ZNF649: variants seen among roughly 807,000 people sequenced by gnomAD.
The protein encoded by ZNF649 is zinc finger protein 649.
ZNF649 carries 7 observed loss-of-function variants against 14.1 expected under a neutral mutation model. The observed-to-expected ratio is 0.49, with a 90% CI of 0.28 to 0.93. The LOEUF (loss-of-function observed/expected upper bound fraction) is 0.93, where lower values mean the gene tolerates loss of function less well. Among genes scored for constraint, ZNF649 ranks in the 40% least tolerant of loss-of-function variants. The probability of loss-of-function intolerance (pLI) is 0.10; values close to 1 mark genes in which losing one functional copy is unlikely to be tolerated. For missense variants in ZNF649, 544 were observed against 608.1 expected (o/e 0.89, Z 1.11); for synonymous variants, 227 against 212.3 (o/e 1.07, Z -0.60).
chr19:51,892,237 G>A (rs577343882), intron 4 of ZNF649, among the ~76,000 whole-genome samples: 6 of 152,154 alleles, frequency 3.9e-5, no homozygotes, highest in African/African-American at 9.6e-5. Context: ...TTGGCTGGGC[G>A]TGGTGGCACG....
rs774344525 is a variant in ZNF649 at position 51,896,548 on chromosome 19, A to T, written c.162T>A (p.Pro54=). 6.2e-7 allele frequency: 1 copy of T among 1,614,132 alleles called. No homozygotes were observed. The highest frequency in any genetic ancestry group is 8.5e-7 in the Non-Finnish European group (1 of 1,180,022). The change falls in exon 4 of 5, where the codon CCT becomes CCA. Residue 54 remains proline, a synonymous_variant. Transcript: ENST00000354957. ...CTTGTTCCAACTTGGTGAGGGCATC[A>T]GGTTTGCCGGCTTGATACCCTGTTT... The part of the protein sequence containing the change: ...LVSVGYQAGK[P]DALTKLEQGE...
At chr19:51,900,530 A>G (rs1004139686) in intron 1 of ZNF649, 1 of 166,774 alleles carries the variant, frequency 6.0e-6, no homozygotes, top group Non-Finnish European at 1.3e-5. Flanking sequence ...CCAATGCTTC[A>G]AAGGAGTGTC....
At chr19:51,902,420 A>G (rs2122774554) in intron 1 of ZNF649, among the ~76,000 whole-genome samples, 1 of 152,298 alleles carries the variant, frequency 6.6e-6, no homozygotes, top group South Asian at 2.1e-4. Flanking sequence ...ATAAATCAGG[A>G]TTCACACGGC....
In ZNF649 at chr19:51,891,732, T is replaced by C. The variant is rs754563507; in HGVS notation, c.404A>G (p.Asp135Gly). The change falls in exon 5 of 5, where the codon GAT becomes GGT. Residue 135 changes from aspartate to glycine, a missense_variant. Physicochemically the swap from Asp to Gly is moderately conservative, Grantham distance 94 (BLOSUM62 -1). Coordinates refer to ENST00000354957, the MANE Select transcript of ZNF649 (RefSeq NM_023074.4). This position sits in a 1 kb window ranked among gnomAD's most constrained non-coding sequence, Gnocchi z 4.2. ...NRKEPAEFNG[D>G]GAFLHDNHEQ... ...ATGATTATCATGGAGAAAAGCTCCA[T>C]CTCCATTAAACTCAGCAGGCTCCTT... 11 of 1,613,494 alleles carry C rather than the reference T, an allele frequency of 6.8e-6. No individual in the cohort carries two copies. In the South Asian group the frequency reaches 1.2e-4, roughly 18 times the overall value.
At position 51,890,690 on chromosome 19, in the gene ZNF649, T is replaced by C; in HGVS notation, c.1446A>G (p.Lys482=). Residue 482 remains lysine, a synonymous_variant, in exon 5 of 5, where the codon AAA becomes AAG. Transcript: ENST00000354957. ...CCACAGTTACCATATTAACAGGGCT[T>C]TTCCCCTGCACATGTTCACTAGGAC... is the stretch of plus-strand genomic sequence containing the variant. ...SLSPSEHVQG[K]SPVNMVTVAM... 1.2e-6 allele frequency: 2 copies of C among 1,614,212 alleles called. No homozygotes were observed. The highest frequency in any genetic ancestry group is 1.1e-5 in the South Asian group (1 of 91,084).
chr19:51,891,103 G>A lies in ZNF649; in HGVS notation c.1033C>T (p.Pro345Ser), dbSNP rs764772553. 6.2e-7 allele frequency: 1 copy of A among 1,614,174 alleles called. No homozygotes were observed. Residue 345 changes from proline to serine, a missense_variant, in exon 5 of 5, where the codon CCT becomes TCT. By Grantham distance (74) the Pro-to-Ser change is moderately conservative. Transcript: ENST00000354957. This position sits in a 1 kb window ranked among gnomAD's most constrained non-coding sequence, Gnocchi z 4.2. ...IHQRTHTGEK[P>S]YGCIDCGKAF... is the part of the protein sequence containing the mutation. Reference sequence around the variant, plus strand: ...TTGCCACAGTCAATGCATCCATAAGGTTTCTCTCCAGTGTGAGTTCGTTGA... The same window carrying A: ...TTGCCACAGTCAATGCATCCATAAGATTTCTCTCCAGTGTGAGTTCGTTGA...
intron 4 of ZNF649, 126 bp from the exon 5 acceptor site, chr19:51,892,023 T>G (rs2085026792): frequency 8.9e-7 from 1 of 1,123,998 alleles, no homozygotes; most frequent in South Asian, 2.0e-5. Context: ...GAATTCCAAG[T>G]ATAAGTGTTC....
At chr19:51,903,945 TAA>T (rs569302998) in intron 1 of ZNF649, among the ~76,000 whole-genome samples, 116 of 152,338 alleles carry the variant, frequency 7.6e-4, no homozygotes, top group African/African-American at 2.7e-3. Flanking sequence ...CAACCTAGCT[TAA>T]CAGACAAAAT....
chr19:51,902,512 C>CT (rs2085100611), intron 1 of ZNF649, among the ~76,000 whole-genome samples: 1 of 152,224 alleles, frequency 6.6e-6, no homozygotes, highest in African/African-American at 2.4e-5. Flanking sequence ...TATTTCAACT[C>CT]TTTTCCTGTC....
Position 51,891,659 on chromosome 19 carries a change from G to C in ZNF649, c.477C>G (p.Ile159Met). Reference protein sequence around the residue: ...EIEFPESRKPISTKSQFLKHQ... With the variant: ...EIEFPESRKPMSTKSQFLKHQ... ...GTTTAAGGAATTGTGACTTGGTGCT[G>C]ATGGGTTTTCTACTTTCAGGGAATT... is the stretch of plus-strand genomic sequence containing the variant. Residue 159 changes from isoleucine to methionine, a missense_variant, in exon 5 of 5, where the codon ATC (isoleucine) becomes ATG (methionine). By Grantham distance (10) the Ile-to-Met change is conservative (BLOSUM62 1). Transcript: ENST00000354957. This position sits in a 1 kb window ranked among gnomAD's most constrained non-coding sequence, Gnocchi z 4.2. 2 of 1,614,162 alleles carry C rather than the reference G, an allele frequency of 1.2e-6. No individual in the cohort carries two copies. The highest frequency in any genetic ancestry group is 1.7e-6 in the Non-Finnish European group (2 of 1,180,030).
At chr19:51,895,347 TTC>T (rs1181161801) in intron 4 of ZNF649, among the ~76,000 whole-genome samples, 7 of 152,220 alleles carry the variant, frequency 4.6e-5, no homozygotes, top group African/African-American at 1.7e-4. Flanking sequence ...TGTTTTTCGT[TTC>T]TTTTTGTTTT....
chr19:51,892,700 C>T (rs993209577), intron 4 of ZNF649, among the ~76,000 whole-genome samples: 6 of 152,118 alleles, frequency 3.9e-5, no homozygotes, highest in Non-Finnish European at 7.4e-5. Context: ...ACCATCATCA[C>T]GCTAACTTTC....
rs2085007898 is a variant in ZNF649, at chr19:51,890,050, AAGAT to A, written c.*564_*567del. 6.6e-6 allele frequency: 1 copy of A among 152,278 alleles called. No homozygotes were observed. The highest frequency in any genetic ancestry group is 2.4e-5 in the African/African-American group (1 of 41,450). 9.4% of individuals were successfully genotyped at this position (152,278 alleles called of 1,614,324 possible). A position where few individuals can be genotyped will look rare whatever the true frequency, so the allele number is the denominator to read the frequency against. ...AAAACCATGATAAATAAAGATATGA[AAGAT>A]ATAACAGGGAAAAACCCATGTCAAA... is the stretch of plus-strand genomic sequence containing the variant. On this transcript the variant is annotated 3_prime_UTR_variant, in exon 5 of 5. Transcript: ENST00000354957.
In ZNF649 at chr19:51,891,459, C is replaced by G; in HGVS notation, c.677G>C (p.Arg226Thr). 6.2e-7 allele frequency: 1 copy of G among 1,614,026 alleles called. No individual in the cohort carries two copies. The highest frequency in any genetic ancestry group is 8.5e-7 in the Non-Finnish European group (1 of 1,179,860). ...YKKYRLTEHE[R>T]AHRGEKPHGC... Reference sequence around the variant, plus strand: ...GTGGGGTTTCTCTCCTCTGTGAGCTCTCTCGTGTTCAGTGAGCCTGTACTT... The same window carrying G: ...GTGGGGTTTCTCTCCTCTGTGAGCTGTCTCGTGTTCAGTGAGCCTGTACTT... The change falls in exon 5 of 5, where the codon AGA becomes ACA. Residue 226 changes from arginine to threonine, a missense_variant. Physicochemically the swap from Arg to Thr is moderately conservative, Grantham distance 71 (BLOSUM62 -1). Transcript: ENST00000354957. The surrounding 1 kb of genome is among the most constrained non-coding windows in gnomAD (Gnocchi z 4.2).
At chr19:51,903,802 G>A (rs1024864312) in intron 1 of ZNF649, among the ~76,000 whole-genome samples, 1 of 152,212 alleles carries the variant, frequency 6.6e-6, no homozygotes, top group Non-Finnish European at 1.5e-5. Context: ...CTGGACAACA[G>A]AGCTAGATTC....
rs1350673638 is a variant in ZNF649 at position 51,889,842 on chromosome 19, A to G, written c.*776T>C. On this transcript the variant is annotated 3_prime_UTR_variant, in exon 5 of 5. Coordinates refer to ENST00000354957, the MANE Select transcript of ZNF649 (RefSeq NM_023074.4). ...AAGAAAAGGAGAACAAAGAAGACAT[A>G]GAATAAACAACAAATAGTAAGTTAG... 6.6e-6 allele frequency: 1 copy of G among 152,256 alleles called. No individual in the cohort carries two copies. The highest frequency in any genetic ancestry group is 1.5e-5 in the Non-Finnish European group (1 of 68,048). The allele number at this position is 152,256 out of a possible 1,614,324, so 9.4% of individuals were successfully genotyped here.
Position 51,890,664 on chromosome 19 carries a change from G to A in ZNF649, c.1472C>T (p.Ala491Val). 1.2e-6 allele frequency: 2 copies of A among 1,614,006 alleles called. No individual in the cohort carries two copies. The highest frequency in any genetic ancestry group is 1.7e-6 in the Non-Finnish European group (2 of 1,179,974). The change falls in exon 5 of 5, where the codon GCA becomes GTA. Residue 491 changes from alanine to valine, a missense_variant. Transcript: ENST00000354957. ...AAACTCACACTGCCCTGCCACCATT[G>A]CCACAGTTACCATATTAACAGGGCT... is the stretch of plus-strand genomic sequence containing the variant. ...GKSPVNMVTV[A>V]MVAGQCEFAH...
chr19:51,891,431 C>T lies in ZNF649; in HGVS notation c.705G>A (p.Gly235=), dbSNP rs758984526. 6.2e-7 allele frequency: 1 copy of T among 1,613,864 alleles called. No homozygotes were observed. Among genetic ancestry groups the T allele is most frequent in the Non-Finnish European group, 8.5e-7 (1 of 1,179,776 alleles). The change falls in exon 5 of 5, where the codon GGG becomes GGA. Residue 235 remains glycine, a synonymous_variant. Transcript: ENST00000354957. This position sits in a 1 kb window ranked among gnomAD's most constrained non-coding sequence, Gnocchi z 4.2. ...AGAAGGCTTTCCCACACAAGCTACA[C>T]CCGTGGGGTTTCTCTCCTCTGTGAG... is the stretch of plus-strand genomic sequence containing the variant. The part of the protein sequence containing the change: ...ERAHRGEKPH[G]CSLCGKAFYK...
At position 51,891,631 on chromosome 19, in the gene ZNF649, G is replaced by C. The variant is rs557084082; in HGVS notation, c.505C>G (p.Gln169Glu). 1.9e-6 allele frequency: 3 copies of C among 1,614,242 alleles called. No individual in the cohort carries two copies. In the South Asian group the frequency reaches 3.3e-5, roughly 18 times the overall value. Residue 169 changes from glutamine (Q) to glutamate (E), a missense_variant, in exon 5 of 5, where the codon CAG becomes GAG. Coordinates refer to ENST00000354957, the MANE Select transcript of ZNF649 (RefSeq NM_023074.4). This position sits in a 1 kb window ranked among gnomAD's most constrained non-coding sequence, Gnocchi z 4.2. ...ISTKSQFLKH[Q>E]QTHNIEKAHE... ...GCTTTCTCTATGTTGTGTGTTTGCT[G>C]ATGTTTAAGGAATTGTGACTTGGTG...
Sources: allele counts gnomAD v4.1 joint callset (sites outside exome capture counted in the v4.1 genomes callset), GRCh38; gene constraint gnomAD v4.1.1; non-coding constraint Gnocchi (gnomAD v3.1); transcripts MANE v1.5; gene names NCBI Gene and HGNC (gene_info 2026-07-23, HGNC 2026-07-21).